Variants in CNTLN observed in about 807,000 individuals in gnomAD.
The protein encoded by CNTLN is centlein, centrosomal protein.
A neutral mutation model predicts 180.0 loss-of-function variants in CNTLN; 212 were observed. The observed-to-expected ratio is 1.18, with a 90% CI of 1.05 to 1.32. CNTLN has a LOEUF of 1.32. Among genes scored for constraint, CNTLN ranks in the 40% most tolerant of loss-of-function variants. The pLI is 0.00. For missense variants in CNTLN, 2,095 were observed against 1,610.9 expected (o/e 1.30, Z -5.14); for synonymous variants, 722 against 563.1 (o/e 1.28, Z -3.99).
intron 15 of CNTLN, among the ~76,000 whole-genome samples, chr9:17,400,301 C>A (rs1440908243): frequency 2.0e-5 from 3 of 152,100 alleles, no homozygotes; most frequent in African/African-American, 7.2e-5. Context: ...CAATGCCCGG[C>A]TAATTTTTTG....
chr9:17,215,687 CG>C (rs967802400), intron 2 of CNTLN, among the ~76,000 whole-genome samples: 2 of 152,108 alleles, frequency 1.3e-5, no homozygotes, highest in African/African-American at 4.8e-5. Context: ...CCTTGAACTG[CG>C]GTGGGCTCCA....
At chr9:17,357,630 A>ATG (rs941036717) in intron 12 of CNTLN, among the ~76,000 whole-genome samples, 1 of 147,632 alleles carries the variant, frequency 6.8e-6, no homozygotes, top group Non-Finnish European at 1.5e-5. Flanking sequence ...ACATATATAT[A>ATG]TAGTATTTTT....
intron 5 of CNTLN, among the ~76,000 whole-genome samples, chr9:17,238,898 T>A (rs1825318673): frequency 6.6e-6 from 1 of 152,202 alleles, no homozygotes; most frequent in Non-Finnish European, 1.5e-5. Flanking sequence ...GCTAGACTAT[T>A]TTCCAAAGCA....
intron 3 of CNTLN, among the ~76,000 whole-genome samples, chr9:17,228,757 G>A (rs1031106528): frequency 6.6e-6 from 1 of 151,986 alleles, no homozygotes; most frequent in South Asian, 2.1e-4. Flanking sequence ...TAGGTTGGCA[G>A]GAATTAAAGG....
chr9:17,484,133 T>G (rs1832780621), intron 23 of CNTLN, among the ~76,000 whole-genome samples, 162 bp from the exon 24 acceptor site: 2 of 152,164 alleles, frequency 1.3e-5, no homozygotes, highest in African/African-American at 4.8e-5. Context: ...TATTGCGTGC[T>G]GACAATAGGT....
At chr9:17,187,739 G>A in intron 2 of CNTLN, among the ~76,000 whole-genome samples, 1 of 151,464 alleles carries the variant, frequency 6.6e-6, no homozygotes, top group South Asian at 2.1e-4. Context: ...TTTATAGAGT[G>A]TCATATTTTT....
Position 17,241,987 on chromosome 9 carries a change from T to C in CNTLN, c.849+5399T>C, listed in dbSNP as rs188263042. The stretch of plus-strand genomic sequence containing the variant: ...TTTTTCCAAATATAAGATTATATCA[T>C]TGGCAAACAAGGATGATTTGACTAT... On this transcript the variant is annotated intron_variant, in intron 5 of 25. Transcript: ENST00000380647. 2.0e-3 allele frequency among the ~76,000 whole-genome samples: 311 copies of C among 152,354 alleles called. 1 individual carries two copies. Among genetic ancestry groups the C allele is most frequent in the African/African-American group, 7.2e-3 (298 of 41,586 alleles).
chr9:17,351,535 C>T lies in CNTLN; in HGVS notation c.1886+9091C>T, dbSNP rs376661726. Among the ~76,000 whole-genome samples the T allele has an allele frequency of 5.3e-5, 8 of 152,230 alleles. No homozygotes were observed. In the South Asian group the frequency reaches 1.2e-3, roughly 24 times the overall value. ...CTATCAGTTTCCTCAAACCAGAAAC[C>T]ATGGTGTTATAAGTTTATGTATTAT... On this transcript the variant is annotated intron_variant, in intron 12 of 25. Transcript: ENST00000380647.
intron 25 of CNTLN, among the ~76,000 whole-genome samples, chr9:17,493,510 G>A (rs1159718884): frequency 2.0e-5 from 3 of 152,076 alleles, no homozygotes; most frequent in Non-Finnish European, 4.4e-5. Flanking sequence ...TAAAAATATG[G>A]ATTACCCAGA....
intron 23 of CNTLN, among the ~76,000 whole-genome samples, chr9:17,479,833 T>C (rs1832542024): frequency 6.6e-6 from 1 of 152,112 alleles, no homozygotes; most frequent in Non-Finnish European, 1.5e-5. Context: ...AAATGTATCT[T>C]TTGAACAAAG....
chr9:17,241,463 G>A (rs1825488329), intron 5 of CNTLN, among the ~76,000 whole-genome samples: 2 of 152,048 alleles, frequency 1.3e-5, no homozygotes, highest in Non-Finnish European at 2.9e-5. Context: ...TTATAGCTTT[G>A]TAATATGATT....
intron 18 of CNTLN, among the ~76,000 whole-genome samples, chr9:17,419,877 T>C (rs116353129): frequency 0.011 from 1,616 of 152,312 alleles, 21 homozygotes; most frequent in African/African-American, 0.037. Flanking sequence ...CATATGTACA[T>C]TGATAAATAA....
At chr9:17,440,099 T>TA (rs1830015800) in intron 18 of CNTLN, among the ~76,000 whole-genome samples, 1 of 152,200 alleles carries the variant, frequency 6.6e-6, no homozygotes, top group African/African-American at 2.4e-5. Flanking sequence ...CTGAGACTAA[T>TA]AAGTTGACAA....
At chr9:17,385,801 A>G (rs867707060) in intron 13 of CNTLN, among the ~76,000 whole-genome samples, 1 of 152,226 alleles carries the variant, frequency 6.6e-6, no homozygotes, top group Non-Finnish European at 1.5e-5. Context: ...TTTAAACTAT[A>G]CAGGAGGATG....
Position 17,466,715 on chromosome 9 carries a change from C to T in CNTLN, c.3679C>T (p.Leu1227Phe). The change falls in exon 23 of 26, where the codon CTT becomes TTT. Residue 1227 changes from leucine to phenylalanine, a missense_variant. Transcript: ENST00000380647. ...KEELEKKDLK[L>F]TLLVSRISET... ...TGCTGATCTTTTGCAGGATCTCAAGCTTACTCTCCTAGTATCAAGAATAAG... is the reference window on the plus strand; with the variant it reads ...TGCTGATCTTTTGCAGGATCTCAAGTTTACTCTCCTAGTATCAAGAATAAG... 6.2e-7 allele frequency: 1 copy of T among 1,607,898 alleles called. No individual in the cohort carries two copies. The highest frequency in any genetic ancestry group is 8.5e-7 in the Non-Finnish European group (1 of 1,176,572).
chr9:17,351,021 T>G (rs541314683), intron 12 of CNTLN, among the ~76,000 whole-genome samples: 1 of 152,336 alleles, frequency 6.6e-6, no homozygotes, highest in Admixed American at 6.5e-5. Context: ...CTAGGTAAAT[T>G]GTTAAATAAC....
At chr9:17,412,828 T>A (rs1247826678) in intron 16 of CNTLN, among the ~76,000 whole-genome samples, 2 of 152,088 alleles carry the variant, frequency 1.3e-5, no homozygotes, top group Non-Finnish European at 2.9e-5. Context: ...GTTGCTGCCA[T>A]CAAAATGCTT....
chr9:17,527,402 T>C, the CNTLN span, among the ~76,000 whole-genome samples: 1 of 152,214 alleles, frequency 6.6e-6, no homozygotes, highest in Non-Finnish European at 1.5e-5. Flanking sequence ...GAGAATTAAA[T>C]TTATCCTTAA....
the CNTLN span, among the ~76,000 whole-genome samples, chr9:17,517,507 C>A: frequency 6.6e-6 from 1 of 151,932 alleles, no homozygotes; most frequent in African/African-American, 2.4e-5. Flanking sequence ...AGCATGAGCC[C>A]ACATTCAATA....
Sources: allele counts gnomAD v4.1 joint callset (sites outside exome capture counted in the v4.1 genomes callset), GRCh38; gene constraint gnomAD v4.1.1; transcripts MANE v1.5; gene names NCBI Gene and HGNC (gene_info 2026-07-23, HGNC 2026-07-21).